Variants in CD59 observed in about 807,000 individuals in gnomAD.
CD59 encodes the protein CD59 glycoprotein.
In CD59, 3 loss-of-function variants were observed where a neutral mutation model predicts 7.0. The ratio of observed to expected loss-of-function variants is 0.43; its 90% confidence interval spans 0.19 to 1.10. The LOEUF is 1.10. Ranked by LOEUF, CD59 falls within the 50% of genes least tolerant of loss-of-function variation. The probability of loss-of-function intolerance (pLI) is 0.29; values close to 1 mark genes in which losing one functional copy is unlikely to be tolerated. For synonymous variants in CD59, 60 were observed against 62.0 expected, an observed-to-expected ratio of 0.97 and a Z score of 0.15; for missense variants, 143 against 151.0, an observed-to-expected ratio of 0.95 and a Z score of 0.28.
rs1430703499 is a variant in CD59 at position 33,710,223 on chromosome 11, T to A, written c.290A>T (p.Asn97Ile). Residue 97 changes from asparagine to isoleucine, a missense_variant, in exon 4 of 4, where the codon AAC (asparagine) becomes ATC (isoleucine). By Grantham distance (149) the Asn-to-Ile change is moderately radical. Coordinates refer to ENST00000642928, the MANE Select transcript of CD59 (RefSeq NM_000611.6). Reference protein sequence around the residue: ...YCCKKDLCNFNEQLENGGTSL... With the variant: ...YCCKKDLCNFIEQLENGGTSL... ...TGTCCCACCATTTTCAAGCTGTTCG[T>A]TAAAGTTACACAGGTCCTTCTTGCA... is the stretch of plus-strand genomic sequence containing the variant. 1 of 1,614,198 alleles carries A rather than the reference T, an allele frequency of 6.2e-7. No individual in the cohort carries two copies. Among genetic ancestry groups the A allele is most frequent in the Non-Finnish European group, 8.5e-7 (1 of 1,180,012 alleles).
At chr11:33,725,552 G>A (rs1360869161) in intron 1 of CD59, among the ~76,000 whole-genome samples, 1 of 152,156 alleles carries the variant, frequency 6.6e-6, no homozygotes, top group Non-Finnish European at 1.5e-5. Context: ...CCTCAAAGAA[G>A]ATATGTAGGA....
In CD59 at chr11:33,707,192, G is replaced by T. The variant is rs1416040230; in HGVS notation, c.*2934C>A. 6.6e-6 allele frequency: 1 copy of T among 152,266 alleles called. No individual in the cohort carries two copies. The highest frequency in any genetic ancestry group is 2.4e-5 in the African/African-American group (1 of 41,462). 9.4% of individuals were successfully genotyped at this position (152,266 alleles called of 1,614,324 possible). ...CCCTCAGGGGGATCTGTTAGCATTA[G>T]TTCAGATCTGTTGGCAGCAACAGAA... On this transcript the variant is annotated 3_prime_UTR_variant, in exon 4 of 4. Coordinates refer to ENST00000642928, the MANE Select transcript of CD59 (RefSeq NM_000611.6).
At chr11:33,717,520 C>A in intron 2 of CD59, 49 bp from the exon 3 acceptor site, 2 of 1,160,182 alleles carry the variant, frequency 1.7e-6, no homozygotes, top group Middle Eastern at 3.8e-4. Context: ...ACTGACTTGT[C>A]CCCTGGCAGC....
intron 3 of CD59, among the ~76,000 whole-genome samples, chr11:33,713,653 C>A (rs1240692252): frequency 6.6e-6 from 1 of 152,158 alleles, no homozygotes; most frequent in Non-Finnish European, 1.5e-5. Flanking sequence ...ACTTGAAAAG[C>A]TTTAAAGCTA....
rs1265695705 is a variant in CD59 at position 33,703,398 on chromosome 11, G to T, written c.*6728C>A. On this transcript the variant is annotated 3_prime_UTR_variant, in exon 4 of 4. Coordinates refer to ENST00000642928, the MANE Select transcript of CD59 (RefSeq NM_000611.6). ...AAGTTTGTGATGAAAGAACAGTCTT[G>T]AATTCAACTTCAGCAGAACCTTTCC... is the stretch of plus-strand genomic sequence containing the variant. The T allele has an allele frequency of 2.0e-5, 3 of 152,224 alleles. No individual in the cohort carries two copies. Among genetic ancestry groups the T allele is most frequent in the Non-Finnish European group, 2.9e-5 (2 of 68,062 alleles). The allele number at this position is 152,224 out of a possible 1,614,324, so 9.4% of individuals were successfully genotyped here. A position where few individuals can be genotyped will look rare whatever the true frequency, so the allele number is the denominator to read the frequency against.
Position 33,713,168 on chromosome 11 carries a change from A to G in CD59, c.170-2825T>C, listed in dbSNP as rs559006908. Among the ~76,000 whole-genome samples, 3 of 152,308 alleles carry G rather than the reference A, an allele frequency of 2.0e-5. No individual in the cohort carries two copies. In the East Asian group the frequency reaches 5.8e-4, roughly 29 times the overall value. On this transcript the variant is annotated intron_variant, in intron 3 of 3. Transcript: ENST00000642928. ...TCTTATCACAGTTTTTTTAATATTC[A>G]GAAAAAGCATGTTAGGTGAAAAATG...
At position 33,706,097 on chromosome 11, in the gene CD59, G is replaced by C. The variant is rs1003363412; in HGVS notation, c.*4029C>G. 6.6e-6 allele frequency: 1 copy of C among 152,118 alleles called. No individual in the cohort carries two copies. The highest frequency in any genetic ancestry group is 6.5e-5 in the Admixed American group (1 of 15,280). 9.4% of individuals were successfully genotyped at this position (152,118 alleles called of 1,614,324 possible). On this transcript the variant is annotated 3_prime_UTR_variant, in exon 4 of 4. Transcript: ENST00000642928. Reference sequence around the variant, plus strand: ...CTTGAGTTTCCCAGTTCAGTCCCCTGCTGGGTGCATGCTACCCCCCTCCTC... The same window carrying C: ...CTTGAGTTTCCCAGTTCAGTCCCCTCCTGGGTGCATGCTACCCCCCTCCTC...
intron 3 of CD59, among the ~76,000 whole-genome samples, chr11:33,710,652 C>G (rs540496370): frequency 4.9e-4 from 75 of 152,034 alleles, no homozygotes; most frequent in Non-Finnish European, 8.1e-4. Flanking sequence ...ACACATGCCC[C>G]CTTTGATCCA....
chr11:33,719,998 C>T (rs775485586), intron 2 of CD59, among the ~76,000 whole-genome samples: 1 of 152,206 alleles, frequency 6.6e-6, no homozygotes, highest in Non-Finnish European at 1.5e-5. Context: ...AAAAGGTTAC[C>T]TGTAGACATG....
chr11:33,717,314 T>C (rs951284676), intron 3 of CD59, 56 bp downstream of exon 3: 2 of 1,119,194 alleles, frequency 1.8e-6, no homozygotes, highest in Non-Finnish European at 2.7e-6. Flanking sequence ...CACAATTTTT[T>C]TCCCAGGCAC....
intron 1 of CD59, among the ~76,000 whole-genome samples, chr11:33,730,314 C>A (rs1325919030): frequency 6.6e-6 from 1 of 151,788 alleles, no homozygotes; most frequent in Non-Finnish European, 1.5e-5. Flanking sequence ...ACTCAGGAGG[C>A]TGAGGTGGAA....
chr11:33,710,508 T>A (rs1200074612), intron 3 of CD59, among the ~76,000 whole-genome samples, 165 bp from the exon 4 acceptor site: 1 of 152,172 alleles, frequency 6.6e-6, no homozygotes, highest in Non-Finnish European at 1.5e-5. Context: ...TAAATAATGA[T>A]ACACCTCTAA....
chr11:33,711,292 C>A (rs1267378284), intron 3 of CD59: 19 of 638,794 alleles, frequency 3.0e-5, no homozygotes, highest in Non-Finnish European at 5.0e-5. Context: ...CATGGCAAGA[C>A]CCCCTCTCTA....
Position 33,705,190 on chromosome 11 carries a change from CT to C in CD59, c.*4935del, listed in dbSNP as rs1394666241. 6.6e-6 allele frequency: 1 copy of C among 152,350 alleles called. No individual in the cohort carries two copies. Among genetic ancestry groups the C allele is most frequent in the East Asian group, 1.9e-4 (1 of 5,182 alleles). The allele number at this position is 152,350 out of a possible 1,614,324, so 9.4% of individuals were successfully genotyped here. A position where few individuals can be genotyped will look rare whatever the true frequency, so the allele number is the denominator to read the frequency against. Reference sequence around the variant, plus strand: ...TTGGGCAAAATAACCGTAGCTAACACTTAGTGACCACTTACTGTTGTGCGTT... The same window carrying C: ...TTGGGCAAAATAACCGTAGCTAACACTAGTGACCACTTACTGTTGTGCGTT... On this transcript the variant is annotated 3_prime_UTR_variant, in exon 4 of 4. Transcript: ENST00000642928.
intron 1 of CD59, among the ~76,000 whole-genome samples, chr11:33,732,900 T>G (rs1266196334): frequency 2.6e-5 from 4 of 152,172 alleles, no homozygotes; most frequent in African/African-American, 9.7e-5. Flanking sequence ...TTTTGGATTA[T>G]TCAATGGGCC....
At chr11:33,730,585 A>G (rs1054408583) in intron 1 of CD59, among the ~76,000 whole-genome samples, 1 of 152,238 alleles carries the variant, frequency 6.6e-6, no homozygotes, top group Non-Finnish European at 1.5e-5. Context: ...TATTGCAGTG[A>G]GCTCAAGTGT....
intron 3 of CD59, chr11:33,711,260 A>G (rs1443867056): frequency 1.7e-6 from 1 of 582,996 alleles, no homozygotes; most frequent in East Asian, 3.2e-5. Context: ...TGAGGCGGGA[A>G]GTTTCAGACC....
intron 2 of CD59, chr11:33,717,971 G>A (rs1048922411): frequency 6.8e-5 from 13 of 191,176 alleles, no homozygotes; most frequent in Non-Finnish European, 9.9e-5. Flanking sequence ...TTGATTTGAT[G>A]CGAGGGAACA....
At chr11:33,735,973 C>G (rs1278374297) in intron 1 of CD59, among the ~76,000 whole-genome samples, 2 of 152,056 alleles carry the variant, frequency 1.3e-5, no homozygotes, top group Non-Finnish European at 2.9e-5. Context: ...ACATTTAGAC[C>G]GCGAGGGGAG....
Sources: gnomAD v4.1 joint callset for allele counts (sites outside exome capture counted in the v4.1 genomes callset) on GRCh38, gnomAD v4.1.1 for gene constraint, MANE v1.5 for transcripts, NCBI Gene and HGNC (gene_info 2026-07-23, HGNC 2026-07-21) for gene names.